SPATA6: variants seen among roughly 807,000 people sequenced by gnomAD.
SPATA6 encodes spermatogenesis associated 6.
A neutral mutation model predicts 65.3 loss-of-function variants in SPATA6; 56 were observed. That is an observed-to-expected ratio of 0.86 (90% CI 0.69 to 1.07). SPATA6 has a LOEUF of 1.07. Ranked by LOEUF, SPATA6 falls within the 50% of genes least tolerant of loss-of-function variation. The pLI is 0.00. For synonymous variants in SPATA6, 199 were observed against 213.2 expected (o/e 0.93, Z 0.58); for missense variants, 590 against 594.8 (o/e 0.99, Z 0.08).
chr1:48,374,490 A>G (rs1446146350), intron 9 of SPATA6, among the ~76,000 whole-genome samples: 1 of 152,168 alleles, frequency 6.6e-6, no homozygotes, highest in Non-Finnish European at 1.5e-5. Context: ...AGACCTACCT[A>G]CTACAACATG....
intron 3 of SPATA6, chr1:48,436,678 C>A (rs1267417379): frequency 2.5e-6 from 4 of 1,614,208 alleles, no homozygotes; most frequent in East Asian, 4.5e-5. Flanking sequence ...TCCAGAACTA[C>A]TGAGACAGGA....
intron 6 of SPATA6, among the ~76,000 whole-genome samples, chr1:48,403,025 A>T (rs1651321045): frequency 6.6e-6 from 1 of 152,080 alleles, no homozygotes; most frequent in Non-Finnish European, 1.5e-5. Flanking sequence ...AAAATACAAA[A>T]GTTAGCCGCG....
At chr1:48,448,380 T>G (rs1469240425) in intron 3 of SPATA6, among the ~76,000 whole-genome samples, 1 of 152,150 alleles carries the variant, frequency 6.6e-6, no homozygotes, top group Non-Finnish European at 1.5e-5. Flanking sequence ...TCTAAAACTT[T>G]TTGAATGCTG....
chr1:48,319,534 A>G (rs1315129057), intron 11 of SPATA6, among the ~76,000 whole-genome samples: 1 of 152,144 alleles, frequency 6.6e-6, no homozygotes. Flanking sequence ...TTCACCAGAG[A>G]AGCCATGAAA....
chr1:48,380,751 T>C (rs1207024730), intron 9 of SPATA6, among the ~76,000 whole-genome samples: 6 of 152,198 alleles, frequency 3.9e-5, no homozygotes, highest in Admixed American at 3.9e-4. Flanking sequence ...AATACCAATG[T>C]GCATGTGTAT....
intron 11 of SPATA6, among the ~76,000 whole-genome samples, chr1:48,345,085 C>T (rs570215211): frequency 6.6e-6 from 1 of 152,252 alleles, no homozygotes; most frequent in East Asian, 1.9e-4. Flanking sequence ...CTCATCGCCA[C>T]CTAGCACATA....
intron 11 of SPATA6, among the ~76,000 whole-genome samples, chr1:48,335,441 C>T (rs562061292): frequency 6.6e-6 from 1 of 151,818 alleles, no homozygotes; most frequent in South Asian, 2.1e-4. Flanking sequence ...CAAAAGTAGA[C>T]ACATAGGCCA....
At chr1:48,277,189 G>A in the SPATA6 span, among the ~76,000 whole-genome samples, 1 of 151,490 alleles carries the variant, frequency 6.6e-6, no homozygotes, top group Admixed American at 6.6e-5. Flanking sequence ...TCTGAATTGG[G>A]AGGCTGGAGC....
intron 11 of SPATA6, among the ~76,000 whole-genome samples, chr1:48,329,010 A>G (rs1440972346): frequency 6.6e-6 from 1 of 152,178 alleles, no homozygotes; most frequent in Non-Finnish European, 1.5e-5. Flanking sequence ...TATTCTTAAC[A>G]AGTACATACA....
At chr1:48,456,740 A>T (rs1367283897) in intron 1 of SPATA6, among the ~76,000 whole-genome samples, 1 of 152,190 alleles carries the variant, frequency 6.6e-6, no homozygotes, top group African/African-American at 2.4e-5. Flanking sequence ...AAATTAAATT[A>T]AAAATTCACT....
chr1:48,374,116 A>C (rs1256057985), intron 9 of SPATA6, among the ~76,000 whole-genome samples: 1 of 152,204 alleles, frequency 6.6e-6, no homozygotes, highest in African/African-American at 2.4e-5. Context: ...CACATTCACT[A>C]TTGCCACTTT....
chr1:48,283,691 A>AG, the SPATA6 span, among the ~76,000 whole-genome samples: 13 of 140,422 alleles, frequency 9.3e-5, no homozygotes, highest in African/African-American at 3.6e-4. Flanking sequence ...AAAAAAAAAA[A>AG]AAAAAAAAAG....
intron 11 of SPATA6, among the ~76,000 whole-genome samples, chr1:48,315,074 C>T (rs1645365905): frequency 6.6e-6 from 1 of 152,104 alleles, no homozygotes; most frequent in Non-Finnish European, 1.5e-5. Context: ...AAAAAAAGCC[C>T]AGGACCAGAC....
the SPATA6 span, among the ~76,000 whole-genome samples, chr1:48,265,973 C>A: frequency 1.7e-3 from 265 of 152,234 alleles, 11 homozygotes; most frequent in East Asian, 0.047. Flanking sequence ...TCCAATTATG[C>A]ATGGTGAGTA....
chr1:48,263,141 T>C, the SPATA6 span: 1 of 152,284 alleles, frequency 6.6e-6, no homozygotes, highest in South Asian at 2.1e-4. Flanking sequence ...TACTTTTCTA[T>C]TTTTTCCTTG....
intron 10 of SPATA6, among the ~76,000 whole-genome samples, chr1:48,358,100 C>T (rs1222965331): frequency 6.6e-6 from 1 of 152,052 alleles, no homozygotes; most frequent in Admixed American, 6.6e-5. Flanking sequence ...CTAAGCCCTT[C>T]CCCACACTGA....
chr1:48,317,378 G>T (rs1324485905), intron 11 of SPATA6, among the ~76,000 whole-genome samples: 1 of 152,090 alleles, frequency 6.6e-6, no homozygotes, highest in Non-Finnish European at 1.5e-5. Flanking sequence ...TCCTTTGTAG[G>T]GACATGGATG....
chr1:48,438,094 G>A (rs564038610), intron 3 of SPATA6, among the ~76,000 whole-genome samples: 9 of 152,164 alleles, frequency 5.9e-5, no homozygotes, highest in East Asian at 1.9e-4. Context: ...CCCCTTCCAC[G>A]CTGTGGAAGC....
At chr1:48,400,976 A>T in intron 6 of SPATA6, 1 of 328,580 alleles carries the variant, frequency 3.0e-6, no homozygotes, top group Non-Finnish European at 5.0e-6. Context: ...AAAACATTCA[A>T]GCAATGAATC....
Sources: gnomAD v4.1 joint callset for allele counts (sites outside exome capture counted in the v4.1 genomes callset) on GRCh38, gnomAD v4.1.1 for gene constraint, MANE v1.5 for transcripts, NCBI Gene and HGNC (gene_info 2026-07-23, HGNC 2026-07-21) for gene names.